Variants in PTPN11 observed in about 807,000 individuals in gnomAD.
The protein encoded by PTPN11 is tyrosine-protein phosphatase non-receptor type 11.
A neutral mutation model predicts 78.8 loss-of-function variants in PTPN11; 6 were observed. The observed-to-expected ratio is 0.08, with a 90% CI of 0.04 to 0.15. The LOEUF is 0.15. Ranked by LOEUF, PTPN11 falls within the 10% of genes least tolerant of loss-of-function variation. The probability of loss-of-function intolerance (pLI) is 1.00; values close to 1 mark genes in which losing one functional copy is unlikely to be tolerated. For missense variants in PTPN11, 386 were observed against 744.8 expected (o/e 0.52, Z 5.61); for synonymous variants, 221 against 263.5 (o/e 0.84, Z 1.56).
At chr12:112,469,934 T>C (rs944097244) in intron 6 of PTPN11, among the ~76,000 whole-genome samples, 8 of 152,186 alleles carry the variant, frequency 5.3e-5, no homozygotes, top group African/African-American at 1.9e-4. Context: ...GGTGCTTTTT[T>C]TTTTGGAAAC....
intron 1 of PTPN11, among the ~76,000 whole-genome samples, chr12:112,438,811 G>C (rs2037836522): frequency 6.6e-6 from 1 of 152,026 alleles, no homozygotes; most frequent in African/African-American, 2.4e-5. Context: ...TTTTTGTAGA[G>C]ATGGGATCTT....
At position 112,427,839 on chromosome 12, in the gene PTPN11, C is replaced by G. The variant is rs553756945; in HGVS notation, c.14+8714C>G. 2.2e-4 allele frequency among the ~76,000 whole-genome samples: 34 copies of G among 152,206 alleles called. No individual in the cohort carries two copies. The South Asian group carries it at 5.8e-3, about 26-fold the overall frequency. ...CAATCATAGCTCATTGAAGCCCAAACTCCTGGGCTCAAGTGATCCTCTTGC... is the reference window on the plus strand; with the variant it reads ...CAATCATAGCTCATTGAAGCCCAAAGTCCTGGGCTCAAGTGATCCTCTTGC... On this transcript the variant is annotated intron_variant, in intron 1 of 15. Transcript: ENST00000351677.
At chr12:112,469,314 T>A (rs2038377892) in intron 6 of PTPN11, among the ~76,000 whole-genome samples, 1 of 152,050 alleles carries the variant, frequency 6.6e-6, no homozygotes, top group African/African-American at 2.4e-5. Flanking sequence ...AAGGTCTCCA[T>A]ATGGTAGTAG....
At chr12:112,425,343 C>T (rs1297308127) in intron 1 of PTPN11, among the ~76,000 whole-genome samples, 4 of 151,756 alleles carry the variant, frequency 2.6e-5, no homozygotes, top group African/African-American at 9.7e-5. Flanking sequence ...TAATGCTTGT[C>T]CCTATTGATG....
At chr12:112,480,149 A>G (rs1398414303) in intron 9 of PTPN11, among the ~76,000 whole-genome samples, 1 of 152,216 alleles carries the variant, frequency 6.6e-6, no homozygotes, top group Non-Finnish European at 1.5e-5. Flanking sequence ...TTTCAGGGTC[A>G]TGATTTAATT....
rs1363967500 is a variant in PTPN11, at chr12:112,424,867, TTGTGTGTGTGTGTGTGTGTGTGTA to T, written c.14+5766_14+5789del. ...GGCACACGCCACCATGTCAGGCTAA[TTGTGTGTGTGTGTGTGTGTGTGTA>T]TGTGTGTGTGTGTGTGTGTGTGTGT... On this transcript the variant is annotated intron_variant, in intron 1 of 15. Coordinates refer to ENST00000351677, the MANE Select transcript of PTPN11 (RefSeq NM_002834.5). Among the ~76,000 whole-genome samples, 123 of 135,164 alleles carry T rather than the reference TTGTGTGTGTGTGTGTGTGTGTGTA, an allele frequency of 9.1e-4. 2 individuals carry two copies. Among genetic ancestry groups the T allele is most frequent in the East Asian group, 2.9e-3 (12 of 4,082 alleles). 88.7% of individuals were successfully genotyped at this position (135,164 alleles called of 152,430 possible). A position where few individuals can be genotyped will look rare whatever the true frequency, so the allele number is the denominator to read the frequency against.
At chr12:112,454,475 A>G in intron 4 of PTPN11, 89 bp from the exon 5 acceptor site, 2 of 957,684 alleles carry the variant, frequency 2.1e-6, no homozygotes, top group Admixed American at 1.7e-5. Flanking sequence ...GCTATTGTGA[A>G]TAATGCTGCA....
Position 112,486,310 on chromosome 12 carries a change from G to C in PTPN11, c.1225-165G>C, listed in dbSNP as rs191437018. The C allele has an allele frequency of 8.2e-6, 6 of 730,424 alleles. No homozygotes were observed. In the East Asian group the frequency reaches 1.6e-4, roughly 20 times the overall value. 45.2% of individuals were successfully genotyped at this position (730,424 alleles called of 1,614,324 possible). A position where few individuals can be genotyped will look rare whatever the true frequency, so the allele number is the denominator to read the frequency against. ...GAGGCAAAGAGTTGCCTCCAGGATT[G>C]CCCAAAAGGAGACGAGTTCTGGGAA... On this transcript the variant is annotated intron_variant, in intron 10 of 15. Transcript: ENST00000351677.
rs1248969371 is a variant in PTPN11 at position 112,482,497 on chromosome 12, G to A, written c.1224+292G>A. Among the ~76,000 whole-genome samples, 1 of 152,192 alleles carries A rather than the reference G, an allele frequency of 6.6e-6. No homozygotes were observed. The highest frequency in any genetic ancestry group is 1.5e-5 in the Non-Finnish European group (1 of 68,040). On this transcript the variant is annotated intron_variant, in intron 10 of 15. Coordinates refer to ENST00000351677, the MANE Select transcript of PTPN11 (RefSeq NM_002834.5). This position sits in a 1 kb window ranked among gnomAD's most constrained non-coding sequence, Gnocchi z 4.4. ...GGCCTGTAATCCCAGCACTTTGGGA[G>A]GCTGAGGTGGGTGGATCGCTTGAGC...
intron 6 of PTPN11, among the ~76,000 whole-genome samples, chr12:112,472,103 C>T (rs1296320307): frequency 1.3e-5 from 2 of 151,786 alleles, no homozygotes; most frequent in African/African-American, 4.8e-5. Flanking sequence ...GGATTATAGG[C>T]GTGAGCCATT....
At chr12:112,502,939 A>C (rs566092210) in intron 14 of PTPN11, among the ~76,000 whole-genome samples, 6 of 152,314 alleles carry the variant, frequency 3.9e-5, no homozygotes, top group South Asian at 4.1e-4. Flanking sequence ...GCAAAATCAA[A>C]GTAAATAAAT....
At chr12:112,448,335 TA>T (rs779164655) in intron 2 of PTPN11, among the ~76,000 whole-genome samples, 155 of 151,858 alleles carry the variant, frequency 1.0e-3, no homozygotes, top group Non-Finnish European at 2.0e-3. Flanking sequence ...CTCAGCCACC[TA>T]AGTAGTTGGG....
chr12:112,480,729 C>A (rs2135905247), intron 9 of PTPN11, among the ~76,000 whole-genome samples: 1 of 152,240 alleles, frequency 6.6e-6, no homozygotes, highest in South Asian at 2.1e-4. Context: ...ATCATTGACT[C>A]ATTGACTCTC....
Position 112,441,472 on chromosome 12 carries a change from A to T in PTPN11, c.15-4804A>T, listed in dbSNP as rs374637745. Among the ~76,000 whole-genome samples, 13 of 151,894 alleles carry T rather than the reference A, an allele frequency of 8.6e-5. No homozygotes were observed. In the East Asian group the frequency reaches 1.4e-3, roughly 16 times the overall value. ...GAGACAGGGTTTTGCCATTTTGCCC[A>T]GGCTGGTCTTGAACTCCTGACCTCA... On this transcript the variant is annotated intron_variant, in intron 1 of 15. Coordinates refer to ENST00000351677, the MANE Select transcript of PTPN11 (RefSeq NM_002834.5).
chr12:112,487,264 A>T (rs1023944576), intron 11 of PTPN11, among the ~76,000 whole-genome samples: 17 of 151,694 alleles, frequency 1.1e-4, no homozygotes, highest in Non-Finnish European at 2.1e-4. Flanking sequence ...CCTCCCAAGT[A>T]GCTGGGATTA....
At chr12:112,473,380 C>T (rs1427651090) in intron 7 of PTPN11, among the ~76,000 whole-genome samples, 1 of 152,160 alleles carries the variant, frequency 6.6e-6, no homozygotes, top group Admixed American at 6.5e-5. Flanking sequence ...TGTGTCTTGA[C>T]TCCTCCTCAC....
At chr12:112,485,121 T>C (rs1046679413) in intron 10 of PTPN11, among the ~76,000 whole-genome samples, 2 of 151,928 alleles carry the variant, frequency 1.3e-5, no homozygotes, top group African/African-American at 4.8e-5. Context: ...ATGTGGTACA[T>C]GCCTGTAGTC....
intron 13 of PTPN11, among the ~76,000 whole-genome samples, chr12:112,491,076 A>G (rs867491672): frequency 6.6e-6 from 1 of 152,196 alleles, no homozygotes; most frequent in Non-Finnish European, 1.5e-5. Context: ...AAAAAAAGGA[A>G]TGATGGGTGA....
At chr12:112,476,332 A>T (rs1019251114) in intron 7 of PTPN11, among the ~76,000 whole-genome samples, 3 of 152,186 alleles carry the variant, frequency 2.0e-5, no homozygotes, top group African/African-American at 7.2e-5. Flanking sequence ...TTTAAGACAC[A>T]TGGCTGTCTT....
Sources: allele counts gnomAD v4.1 joint callset (sites outside exome capture counted in the v4.1 genomes callset), GRCh38; gene constraint gnomAD v4.1.1; non-coding constraint Gnocchi (gnomAD v3.1); transcripts MANE v1.5; gene names NCBI Gene and HGNC (gene_info 2026-07-23, HGNC 2026-07-21).